The following ALG9 variants were observed in gnomAD, a reference collection of about 807,000 sequenced individuals.
ALG9 encodes the protein ALG9 alpha-1,2-mannosyltransferase.
A neutral mutation model predicts 81.8 loss-of-function variants in ALG9; 55 were observed. That is an observed-to-expected ratio of 0.67 (90% confidence interval 0.54 to 0.84). The LOEUF is 0.84. ALG9 is among the 40% of genes least tolerant of loss of function. The pLI, the probability that ALG9 is intolerant of heterozygous loss-of-function variation, is 0.00. For missense variants in ALG9, 629 were observed against 745.0 expected, an observed-to-expected ratio of 0.84 and a Z score of 1.81; for synonymous variants, 278 against 274.3, an observed-to-expected ratio of 1.01 and a Z score of -0.13.
At chr11:111,834,884 T>TA (rs1419099167) in intron 13 of ALG9, among the ~76,000 whole-genome samples, 1 of 152,114 alleles carries the variant, frequency 6.6e-6, no homozygotes, top group Non-Finnish European at 1.5e-5. Context: ...AGCCTTAAAT[T>TA]AAAAGAATAA....
At chr11:111,854,378 C>T (rs782057688) in intron 6 of ALG9, among the ~76,000 whole-genome samples, 10 of 151,306 alleles carry the variant, frequency 6.6e-5, no homozygotes, top group Non-Finnish European at 1.3e-4. Context: ...AAGCAATTCT[C>T]CTGCCTAAGC....
intron 13 of ALG9, among the ~76,000 whole-genome samples, chr11:111,810,791 T>C (rs1555090611): frequency 6.6e-6 from 1 of 151,852 alleles, no homozygotes; most frequent in Admixed American, 6.6e-5. Context: ...CAAAAAAGAG[T>C]CCTCTTAGGT....
At chr11:111,768,173 G>A in the ALG9 span, among the ~76,000 whole-genome samples, 3 of 152,186 alleles carry the variant, frequency 2.0e-5, no homozygotes, top group East Asian at 1.9e-4. Flanking sequence ...AAAATGGTGA[G>A]AAAATTAAGA....
In ALG9 at chr11:111,787,005, TAC is replaced by T. The variant is rs1482312632; in HGVS notation, c.1734-487_1734-486del. On this transcript the variant is annotated intron_variant, in intron 14 of 14. Coordinates refer to ENST00000616540, the MANE Select transcript of ALG9 (RefSeq NM_024740.2). Reference sequence around the variant, plus strand: ...TATTGTCTAAGTCAAGGAAAGAGTCTACACACAAGTTCATGTTGTGACAACAT... The same window carrying T: ...TATTGTCTAAGTCAAGGAAAGAGTCTACACAAGTTCATGTTGTGACAACAT... 2.0e-5 allele frequency among the ~76,000 whole-genome samples: 3 copies of T among 152,318 alleles called. No individual in the cohort carries two copies. The East Asian group carries it at 5.8e-4, about 29-fold the overall frequency.
the ALG9 span, among the ~76,000 whole-genome samples, chr11:111,772,456 A>G: frequency 2.6e-5 from 4 of 152,282 alleles, no homozygotes; most frequent in East Asian, 5.8e-4. Flanking sequence ...ACCTTTCACA[A>G]TAGTACATAC....
chr11:111,824,365 A>C (rs1279034611), intron 13 of ALG9, among the ~76,000 whole-genome samples: 1 of 152,230 alleles, frequency 6.6e-6, no homozygotes, highest in Non-Finnish European at 1.5e-5. Flanking sequence ...ATATATACAA[A>C]TAGTCACCAT....
chr11:111,799,012 G>C (rs1179350956), intron 14 of ALG9, among the ~76,000 whole-genome samples: 7 of 152,174 alleles, frequency 4.6e-5, no homozygotes, highest in African/African-American at 7.2e-5. Flanking sequence ...TGCTTATCTT[G>C]CAACAATTTC....
At chr11:111,818,611 C>T (rs1320946090) in intron 13 of ALG9, among the ~76,000 whole-genome samples, 14 of 152,220 alleles carry the variant, frequency 9.2e-5, no homozygotes, top group Admixed American at 9.2e-4. Context: ...ACCTCTTAAA[C>T]TAGGACAGGG....
chr11:111,804,132 C>CAAA (rs140492079), intron 14 of ALG9, among the ~76,000 whole-genome samples: 3 of 85,364 alleles, frequency 3.5e-5, no homozygotes, highest in African/African-American at 4.8e-5. Context: ...GACTCCATCT[C>CAAA]AAAAAAAAAA....
At chr11:111,812,867 A>G (rs143748139) in intron 13 of ALG9, among the ~76,000 whole-genome samples, 367 of 145,042 alleles carry the variant, frequency 2.5e-3, no homozygotes, top group African/African-American at 9.0e-3. Context: ...CAGTGAGCCA[A>G]GATTGCACCA....
chr11:111,850,199 GCAC>G (rs1276132889), intron 8 of ALG9, among the ~76,000 whole-genome samples: 4 of 152,142 alleles, frequency 2.6e-5, no homozygotes, highest in African/African-American at 9.6e-5. Flanking sequence ...TCTCAAGCTA[GCAC>G]CACAACAGGT....
chr11:111,802,405 C>T (rs921819862), intron 14 of ALG9, among the ~76,000 whole-genome samples: 4 of 152,142 alleles, frequency 2.6e-5, no homozygotes, highest in African/African-American at 9.7e-5. Context: ...ACCTCAAAAA[C>T]AGGCTGAGTG....
rs1951163977 is a variant in ALG9 at position 111,814,326 on chromosome 11, A to G, written c.1603-4553T>C. ...TTAGGGACACATGTAAAAGTCATAAATCTAAAGAGAAAAGCAAGAAAATCA... is the reference window on the plus strand; with the variant it reads ...TTAGGGACACATGTAAAAGTCATAAGTCTAAAGAGAAAAGCAAGAAAATCA... On this transcript the variant is annotated intron_variant, in intron 13 of 14. Coordinates refer to ENST00000616540, the MANE Select transcript of ALG9 (RefSeq NM_024740.2). Among the ~76,000 whole-genome samples the G allele has an allele frequency of 2.6e-5, 4 of 152,168 alleles. No individual in the cohort carries two copies. In the South Asian group the frequency reaches 8.3e-4, roughly 32 times the overall value.
chr11:111,805,424 T>C (rs531745774), intron 14 of ALG9: 71 of 436,888 alleles, frequency 1.6e-4, no homozygotes, highest in African/African-American at 1.3e-3. Flanking sequence ...AAGATGTCCT[T>C]CAGTAGGTGA....
downstream of ALG9, among the ~76,000 whole-genome samples, chr11:111,781,313 ATT>A (rs1271484060): frequency 6.6e-6 from 1 of 152,202 alleles, no homozygotes; most frequent in Non-Finnish European, 1.5e-5. Context: ...ACAAAAAAAA[ATT>A]TATTCCAGCT....
chr11:111,853,364 T>C lies in ALG9; in HGVS notation c.895+16A>G, dbSNP rs868968866. ...AGCTATCTCCTAACACTTGCCCAAATTTCACAAAGCCTTACCATAAAGATC... is the reference window on the plus strand; with the variant it reads ...AGCTATCTCCTAACACTTGCCCAAACTTCACAAAGCCTTACCATAAAGATC... On this transcript the variant is annotated intron_variant, in intron 8 of 14. Transcript: ENST00000616540. 2.5e-6 allele frequency: 4 copies of C among 1,603,516 alleles called. No homozygotes were observed. Among genetic ancestry groups the C allele is most frequent in the Middle Eastern group, 1.7e-4 (1 of 6,034 alleles).
intron 11 of ALG9, among the ~76,000 whole-genome samples, chr11:111,837,959 T>C (rs1955594440): frequency 6.6e-6 from 1 of 152,194 alleles, no homozygotes; most frequent in Admixed American, 6.5e-5. Flanking sequence ...AGCCCAAATT[T>C]GCATTTTAAG....
intron 8 of ALG9, among the ~76,000 whole-genome samples, chr11:111,852,084 T>C (rs1426855831): frequency 3.3e-5 from 5 of 152,202 alleles, no homozygotes; most frequent in Non-Finnish European, 7.3e-5. Context: ...TTCAATCTGT[T>C]GGTTCTATTG....
intron 8 of ALG9, among the ~76,000 whole-genome samples, chr11:111,852,908 C>T (rs1276664176): frequency 6.7e-6 from 1 of 148,522 alleles, no homozygotes; most frequent in African/African-American, 2.5e-5. Flanking sequence ...CGCCACTGCA[C>T]TCCAGCCTGG....
Sources: gnomAD v4.1 joint callset for allele counts (sites outside exome capture counted in the v4.1 genomes callset) on GRCh38, gnomAD v4.1.1 for gene constraint, MANE v1.5 for transcripts, NCBI Gene and HGNC (gene_info 2026-07-23, HGNC 2026-07-21) for gene names.